The following MTA3 variants were observed in gnomAD, a reference collection of about 807,000 sequenced individuals.
The protein encoded by MTA3 is metastasis associated 1 family member 3.
MTA3 carries 34 observed loss-of-function variants against 83.5 expected under a neutral mutation model. The observed-to-expected ratio is 0.41, with a 90% CI of 0.31 to 0.54. The LOEUF (loss-of-function observed/expected upper bound fraction) is 0.54, where lower values mean the gene tolerates loss of function less well. Ranked by LOEUF, MTA3 falls within the 20% of genes least tolerant of loss-of-function variation. MTA3 has a pLI of 0.33. For synonymous variants in MTA3, 303 were observed against 252.7 expected (o/e 1.20, Z -1.89); for missense variants, 761 against 726.4 (o/e 1.05, Z -0.55).
intron 7 of MTA3, among the ~76,000 whole-genome samples, chr2:42,657,922 A>G (rs889544358): frequency 3.3e-5 from 5 of 151,894 alleles, no homozygotes; most frequent in Admixed American, 3.3e-4. Context: ...TACAAAAAAA[A>G]TTAGCTGGGC....
chr2:42,679,791 C>T (rs1235565944), intron 8 of MTA3, among the ~76,000 whole-genome samples: 1 of 151,436 alleles, frequency 6.6e-6, no homozygotes, highest in Non-Finnish European at 1.5e-5. Flanking sequence ...AGTTCCTCAT[C>T]AGACAAACAG....
At chr2:42,517,728 A>T (rs1356675883) in intron 2 of MTA3, among the ~76,000 whole-genome samples, 5 of 149,926 alleles carry the variant, frequency 3.3e-5, no homozygotes, top group Non-Finnish European at 7.4e-5. Flanking sequence ...AAATACACAA[A>T]TTAGCCAGGT....
chr2:42,673,544 A>G (rs1026438817), intron 8 of MTA3, among the ~76,000 whole-genome samples: 2 of 152,328 alleles, frequency 1.3e-5, no homozygotes, highest in African/African-American at 2.4e-5. Flanking sequence ...AGCTGTTGTC[A>G]TAATACTGCA....
At chr2:42,698,574 G>A (rs1693593314) in intron 11 of MTA3, 1 of 152,112 alleles carries the variant, frequency 6.6e-6, no homozygotes, top group African/African-American at 2.4e-5. Context: ...AGCACCACGT[G>A]TATATTGTTC....
chr2:42,524,491 T>TTG (rs1675587863), intron 2 of MTA3, among the ~76,000 whole-genome samples: 1 of 144,408 alleles, frequency 6.9e-6, no homozygotes, highest in South Asian at 2.2e-4. Flanking sequence ...TTTTTTTTTT[T>TTG]TTTTTGTATT....
Position 42,756,919 on chromosome 2 carries a change from G to C in MTA3, c.*3520G>C. 1 of 985,458 alleles carries C rather than the reference G, an allele frequency of 1.0e-6. No homozygotes were observed. 61.0% of individuals were successfully genotyped at this position (985,458 alleles called of 1,614,324 possible). On this transcript the variant is annotated 3_prime_UTR_variant, in exon 17 of 17. Coordinates refer to ENST00000405094, the MANE Select transcript of MTA3 (RefSeq NM_001330442.2). ...TGCCATCTACTAACCAATTTGTATT[G>C]TGTTTCCAATAAATTCCTGGAAATT...
At chr2:42,728,014 G>A (rs1667948468) in intron 16 of MTA3, among the ~76,000 whole-genome samples, 1 of 151,852 alleles carries the variant, frequency 6.6e-6, no homozygotes, top group South Asian at 2.1e-4. Context: ...TGTTGCTGTA[G>A]TCACCCTGTT....
intron 6 of MTA3, among the ~76,000 whole-genome samples, chr2:42,653,935 A>T (rs1156505513): frequency 1.3e-5 from 2 of 152,228 alleles, no homozygotes; most frequent in Non-Finnish European, 1.5e-5. Context: ...ATTTTTAAAA[A>T]GACACAGGCA....
chr2:42,621,786 T>C (rs540390203), intron 4 of MTA3, among the ~76,000 whole-genome samples: 1,639 of 148,342 alleles, frequency 0.011, 36 homozygotes, highest in African/African-American at 0.038. Context: ...ACGGGGCGGC[T>C]GGGCAGAGAC....
intron 4 of MTA3, among the ~76,000 whole-genome samples, chr2:42,624,950 GCATACTAAAATTTTA>G (rs1323999714): frequency 1.3e-5 from 2 of 152,000 alleles, no homozygotes; most frequent in African/African-American, 4.8e-5. Context: ...CTTATTTGTT[GCATACTAAAATTTTA>G]CAGTGATGCA....
chr2:42,547,824 C>T (rs918979513), intron 2 of MTA3, among the ~76,000 whole-genome samples: 15 of 147,108 alleles, frequency 1.0e-4, no homozygotes, highest in Admixed American at 3.4e-4. Context: ...TTCGCTTTAA[C>T]GCGACTAAGA....
intron 2 of MTA3, among the ~76,000 whole-genome samples, chr2:42,551,668 CAG>C (rs1266872656): frequency 1.3e-5 from 2 of 151,940 alleles, no homozygotes; most frequent in East Asian, 1.9e-4. Flanking sequence ...GAGAGTGACA[CAG>C]AGTGCTGGGG....
intron 10 of MTA3, 125 bp from the exon 11 acceptor site, chr2:42,697,651 A>G (rs1156501061): frequency 6.1e-6 from 4 of 658,152 alleles, no homozygotes; most frequent in Admixed American, 3.8e-5. Flanking sequence ...ATATGAAAGA[A>G]AAGCTTAAGA....
intron 2 of MTA3, among the ~76,000 whole-genome samples, chr2:42,559,181 T>TA (rs1489214759): frequency 6.6e-6 from 1 of 152,138 alleles, no homozygotes; most frequent in Admixed American, 6.6e-5. Context: ...TCCAAACACA[T>TA]GTCTATAAGC....
upstream of MTA3, among the ~76,000 whole-genome samples, chr2:42,563,936 G>A (rs560006944): frequency 6.4e-4 from 98 of 152,064 alleles, no homozygotes; most frequent in African/African-American, 2.2e-3. Context: ...CCATTCTCCC[G>A]CCTCAGCCTC....
chr2:42,594,903 TATTTATTTATTTATTC>T (rs1681588751), intron 3 of MTA3, among the ~76,000 whole-genome samples: 1 of 141,584 alleles, frequency 7.1e-6, no homozygotes. Flanking sequence ...ATTATTTATT[TATTTATTTATTTATTC>T]ATTTATTTAT....
chr2:42,549,251 T>TACA (rs969511388), intron 2 of MTA3, among the ~76,000 whole-genome samples: 16 of 130,558 alleles, frequency 1.2e-4, no homozygotes, highest in Middle Eastern at 4.1e-3. Context: ...ATATAATATA[T>TACA]TATATATTAT....
chr2:42,697,788 G>A lies in MTA3; in HGVS notation c.979G>A (p.Ala327Thr). 8.4e-6 allele frequency: 13 copies of A among 1,542,778 alleles called. No homozygotes were observed. The highest frequency in any genetic ancestry group is 1.1e-5 in the Non-Finnish European group (13 of 1,145,534). The part of the protein sequence containing the change: ...DRYVQQKRLK[A>T]AEAESKLKQV... ...TCTTTTGAATTAGAAACGTCTAAAA[G>A]CAGCAGAAGCTGAGAGTAAACTGAA... is the stretch of plus-strand genomic sequence containing the variant. Residue 327 changes from alanine (A) to threonine (T), a missense_variant, in exon 11 of 17, where the codon GCA becomes ACA. Coordinates refer to ENST00000405094, the MANE Select transcript of MTA3 (RefSeq NM_001330442.2).
rs143512619 is a variant in MTA3 at position 42,594,244 on chromosome 2, C to CT, written c.190+15065dup. Among the ~76,000 whole-genome samples the CT allele has an allele frequency of 4.4e-3, 509 of 114,950 alleles. 5 individuals carry two copies. Among genetic ancestry groups the CT allele is most frequent in the African/African-American group, 0.016 (473 of 29,898 alleles). 75.4% of individuals were successfully genotyped at this position (114,950 alleles called of 152,430 possible). A position where few individuals can be genotyped will look rare whatever the true frequency, so the allele number is the denominator to read the frequency against. On this transcript the variant is annotated intron_variant, in intron 3 of 16. Transcript: ENST00000405094. ...TAGGAGGGAGCCATGCGCCAGGCCC[C>CT]TTTTTTTTTTTTTTTTTTTTTAAAA...
Sources: allele counts gnomAD v4.1 joint callset (sites outside exome capture counted in the v4.1 genomes callset), GRCh38; gene constraint gnomAD v4.1.1; transcripts MANE v1.5; gene names NCBI Gene and HGNC (gene_info 2026-07-23, HGNC 2026-07-21).